PKHD1: variants seen among roughly 807,000 people sequenced by gnomAD.
The protein encoded by PKHD1 is fibrocystin.
A neutral mutation model predicts 412.0 loss-of-function variants in PKHD1; 291 were observed. The ratio of observed to expected loss-of-function variants is 0.71; its 90% confidence interval spans 0.64 to 0.78. PKHD1 has a LOEUF of 0.78. Among genes scored for constraint, PKHD1 ranks in the 30% least tolerant of loss-of-function variants. The pLI is 0.00. For synonymous variants in PKHD1, 1,777 were observed against 1,821.5 expected (o/e 0.98, Z 0.62); for missense variants, 4,825 against 4,950.7 (o/e 0.97, Z 0.76).
Position 52,017,510 on chromosome 6 carries a change from A to C in PKHD1, c.5500T>G (p.Trp1834Gly). ...TCCTCGCAAATGTAGAGGTAAGGCC[A>C]CGATTCAAGCAGTTGCTCTGTCGCC... The part of the protein sequence containing the change: ...AMATEQLLES[W>G]PYLYICEESS... The change falls in exon 34 of 67, where the codon TGG becomes GGG. Residue 1834 changes from tryptophan to glycine, a missense_variant. Trp to Gly is a radical substitution (Grantham distance 184). Coordinates refer to ENST00000371117, the MANE Select transcript of PKHD1 (RefSeq NM_138694.4). 6.2e-7 allele frequency: 1 copy of C among 1,614,066 alleles called. No homozygotes were observed. Among genetic ancestry groups the C allele is most frequent in the Non-Finnish European group, 8.5e-7 (1 of 1,179,882 alleles).
chr6:51,650,227 G>C (rs1770717834), intron 61 of PKHD1, among the ~76,000 whole-genome samples: 1 of 152,062 alleles, frequency 6.6e-6, no homozygotes, highest in African/African-American at 2.4e-5. Flanking sequence ...ATTTCACTCA[G>C]AGTTTCGGTA....
intron 66 of PKHD1, among the ~76,000 whole-genome samples, chr6:51,619,986 AT>A (rs1370329840): frequency 7.9e-5 from 12 of 152,226 alleles, no homozygotes; most frequent in Non-Finnish European, 1.5e-4. Context: ...GAATATAAAT[AT>A]TTGCAGAAAT....
intron 60 of PKHD1, among the ~76,000 whole-genome samples, chr6:51,675,489 T>C (rs1775691200): frequency 6.6e-6 from 1 of 152,188 alleles, no homozygotes; most frequent in South Asian, 2.1e-4. Context: ...CATAATGTCA[T>C]TTACAATTTA....
intron 36 of PKHD1, among the ~76,000 whole-genome samples, chr6:51,944,336 C>T (rs1464690430): frequency 6.6e-6 from 1 of 152,276 alleles, no homozygotes; most frequent in East Asian, 1.9e-4. Context: ...ACTCTCTTTT[C>T]GGACTCAGCC....
At chr6:51,803,414 A>G (rs144355623) in intron 52 of PKHD1, among the ~76,000 whole-genome samples, 154 of 152,274 alleles carry the variant, frequency 1.0e-3, no homozygotes, top group African/African-American at 3.6e-3. Context: ...TATTCTAACA[A>G]TAATATCTGG....
intron 66 of PKHD1, 122 bp downstream of exon 66, chr6:51,626,875 A>G: frequency 1.0e-6 from 1 of 981,586 alleles, no homozygotes; most frequent in South Asian, 1.3e-5. Flanking sequence ...GAAGGAAAGT[A>G]ACAAAGACTA....
chr6:51,703,181 T>TC (rs1350085862), intron 60 of PKHD1, among the ~76,000 whole-genome samples: 1 of 152,012 alleles, frequency 6.6e-6, no homozygotes, highest in Non-Finnish European at 1.5e-5. Flanking sequence ...GGTACATTTC[T>TC]CCCCTTGTGG....
intron 49 of PKHD1, 71 bp downstream of exon 49, chr6:51,855,822 A>G: frequency 8.4e-7 from 1 of 1,193,842 alleles, no homozygotes; most frequent in Non-Finnish European, 1.3e-6. Flanking sequence ...CTTTCAACCC[A>G]TTATCTCAAA....
intron 6 of PKHD1, among the ~76,000 whole-genome samples, chr6:52,073,974 A>G (rs1811008002): frequency 6.6e-6 from 1 of 152,198 alleles, no homozygotes; most frequent in East Asian, 1.9e-4. Flanking sequence ...TCCTCTGGGC[A>G]TTTGCTAAAA....
chr6:52,063,957 A>T (rs575780086), intron 13 of PKHD1, among the ~76,000 whole-genome samples: 3 of 152,390 alleles, frequency 2.0e-5, no homozygotes, highest in Middle Eastern at 3.4e-3. Context: ...AAAAGGGAGC[A>T]GACTCTCTAT....
chr6:51,699,979 CTGAG>C, intron 60 of PKHD1, among the ~76,000 whole-genome samples: 1 of 96,418 alleles, frequency 1.0e-5, no homozygotes, highest in South Asian at 3.8e-4. Flanking sequence ...TTATTATTAC[CTGAG>C]TAATTTTTCA....
intron 52 of PKHD1, among the ~76,000 whole-genome samples, chr6:51,820,608 A>T (rs1766236174): frequency 6.6e-6 from 1 of 152,196 alleles, no homozygotes; most frequent in Non-Finnish European, 1.5e-5. Context: ...GTATCAAAAA[A>T]ATTATTTAGA....
chr6:51,874,142 A>T (rs1776450664), intron 46 of PKHD1, among the ~76,000 whole-genome samples: 2 of 152,230 alleles, frequency 1.3e-5, no homozygotes. Flanking sequence ...AGAATGAAGC[A>T]ACTCCATCAG....
At chr6:51,861,722 T>G (rs1774217943) in intron 48 of PKHD1, among the ~76,000 whole-genome samples, 1 of 152,254 alleles carries the variant, frequency 6.6e-6, no homozygotes, top group African/African-American at 2.4e-5. Flanking sequence ...ATTGTATCAT[T>G]AAGTTTTTCC....
At chr6:51,903,151 G>A (rs961141380) in intron 43 of PKHD1, among the ~76,000 whole-genome samples, 1 of 152,186 alleles carries the variant, frequency 6.6e-6, no homozygotes, top group Non-Finnish European at 1.5e-5. Context: ...CTTCAAAAAA[G>A]TGTTTCCAGA....
chr6:51,840,951 T>G (rs1770079666), intron 50 of PKHD1, among the ~76,000 whole-genome samples: 1 of 152,216 alleles, frequency 6.6e-6, no homozygotes, highest in Non-Finnish European at 1.5e-5. Flanking sequence ...ATTAAACCCA[T>G]GATTTCATGG....
intron 36 of PKHD1, among the ~76,000 whole-genome samples, chr6:51,955,558 C>G (rs1005111168): frequency 6.6e-6 from 1 of 152,042 alleles, no homozygotes; most frequent in Non-Finnish European, 1.5e-5. Context: ...GTTGGTTTTC[C>G]TGTTGTACGA....
intron 37 of PKHD1, among the ~76,000 whole-genome samples, chr6:51,921,398 A>G: frequency 6.6e-6 from 1 of 152,080 alleles, no homozygotes; most frequent in African/African-American, 2.4e-5. Context: ...TCTGACAATT[A>G]TGTGTCTTGG....
chr6:51,820,626 T>C (rs980467673), intron 52 of PKHD1, among the ~76,000 whole-genome samples: 1 of 152,180 alleles, frequency 6.6e-6, no homozygotes, highest in Non-Finnish European at 1.5e-5. Flanking sequence ...AGAGAATGGG[T>C]CTAGGCTTTA....
Sources: allele counts gnomAD v4.1 joint callset (sites outside exome capture counted in the v4.1 genomes callset), GRCh38; gene constraint gnomAD v4.1.1; transcripts MANE v1.5; gene names NCBI Gene and HGNC (gene_info 2026-07-23, HGNC 2026-07-21).